IGF2BP1: variants seen among roughly 807,000 people sequenced by gnomAD.
IGF2BP1 encodes the protein insulin like growth factor 2 mRNA binding protein 1.
IGF2BP1 carries 11 observed loss-of-function variants against 74.9 expected under a neutral mutation model. The observed-to-expected ratio is 0.15, with a 90% CI of 0.09 to 0.24. The LOEUF is 0.24. IGF2BP1 is among the 10% of genes least tolerant of loss of function. IGF2BP1 has a pLI of 1.00. For missense variants in IGF2BP1, 440 were observed against 757.4 expected (o/e 0.58, Z 4.92); for synonymous variants, 287 against 281.8 (o/e 1.02, Z -0.18).
At chr17:49,011,162 A>AC in intron 2 of IGF2BP1, among the ~76,000 whole-genome samples, 1 of 145,822 alleles carries the variant, frequency 6.9e-6, no homozygotes, top group East Asian at 2.0e-4. Context: ...AAAAAAAAAA[A>AC]AAAAACAAAC....
At chr17:49,015,774 TG>T (rs2041692975) in intron 2 of IGF2BP1, among the ~76,000 whole-genome samples, 2 of 152,216 alleles carry the variant, frequency 1.3e-5, no homozygotes, top group African/African-American at 4.8e-5. Flanking sequence ...GCTTCTGTTT[TG>T]GCCTCCTTGG....
rs1333775919 is a variant in IGF2BP1, at chr17:49,050,689, T to C, written c.*1245T>C. On this transcript the variant is annotated 3_prime_UTR_variant, in exon 15 of 15. Transcript: ENST00000290341. ...GACGGCTTCTGTCTCCATGAATCAT[T>C]ATCAGCATGATGAAAGGTGTGTCTA... 6.6e-6 allele frequency: 1 copy of C among 152,228 alleles called. No individual in the cohort carries two copies. Among genetic ancestry groups the C allele is most frequent in the Non-Finnish European group, 1.5e-5 (1 of 68,038 alleles). 9.4% of individuals were successfully genotyped at this position (152,228 alleles called of 1,614,324 possible). A position where few individuals can be genotyped will look rare whatever the true frequency, so the allele number is the denominator to read the frequency against.
chr17:49,042,449 T>C, intron 9 of IGF2BP1, 72 bp downstream of exon 9: 1 of 1,540,290 alleles, frequency 6.5e-7, no homozygotes, highest in Non-Finnish European at 9.0e-7. Context: ...GGGTGCAGGG[T>C]GATGGACATG....
At chr17:49,019,967 CACACACACAT>C (rs2041768129) in intron 2 of IGF2BP1, among the ~76,000 whole-genome samples, 1 of 91,958 alleles carries the variant, frequency 1.1e-5, no homozygotes, top group Non-Finnish European at 2.1e-5. Flanking sequence ...CACACACACA[CACACACACAT>C]ACACCCACAC....
rs1225509993 is a variant in IGF2BP1, at chr17:49,055,097, A to G, written c.*5653A>G. Reference sequence around the variant, plus strand: ...GGGGGGAAAAAGATTTCTTTTTCCAAAGGAAAAAAATATTACCTTGAGAAT... The same window carrying G: ...GGGGGGAAAAAGATTTCTTTTTCCAGAGGAAAAAAATATTACCTTGAGAAT... On this transcript the variant is annotated 3_prime_UTR_variant, in exon 15 of 15. Transcript: ENST00000290341. The G allele has an allele frequency of 1.3e-5, 2 of 152,228 alleles. No individual in the cohort carries two copies. The highest frequency in any genetic ancestry group is 3.9e-4 in the East Asian group (2 of 5,184). The allele number at this position is 152,228 out of a possible 1,614,324, so 9.4% of individuals were successfully genotyped here.
chr17:49,038,051 A>G lies in IGF2BP1; in HGVS notation c.402-117A>G, dbSNP rs534567123. ...AGGTGGAGGTAGTGGGCAGGTGACT[A>G]TCTCCTTTTCTTTAGTGTGTTCCAA... On this transcript the variant is annotated intron_variant, in intron 5 of 14. Transcript: ENST00000290341. The G allele has an allele frequency of 1.0e-5, 9 of 901,836 alleles. No individual in the cohort carries two copies. In the East Asian group the frequency reaches 2.4e-4, roughly 24 times the overall value. 55.9% of individuals were successfully genotyped at this position (901,836 alleles called of 1,614,324 possible).
chr17:49,056,051 C>G lies in IGF2BP1; in HGVS notation c.*6607C>G, dbSNP rs533774181. Among the ~76,000 whole-genome samples the G allele has an allele frequency of 6.6e-6, 1 of 152,004 alleles. No homozygotes were observed. Among genetic ancestry groups the G allele is most frequent in the East Asian group, 1.9e-4 (1 of 5,170 alleles). On this transcript the variant is annotated 3_prime_UTR_variant, in exon 15 of 15. Transcript: ENST00000290341. ...GTTCTTTGATGGATGAACGAACACT[C>G]CAGTTTTCTTTCCCGTGAAGGTTGT...
At chr17:49,019,977 TACACCCAC>T (rs1370560670) in intron 2 of IGF2BP1, among the ~76,000 whole-genome samples, 7 of 51,716 alleles carry the variant, frequency 1.4e-4, no homozygotes, top group African/African-American at 3.2e-4. Flanking sequence ...CACACACACA[TACACCCAC>T]ACATATATAT....
chr17:48,997,447 G>C lies in IGF2BP1; in HGVS notation c.-299G>C, dbSNP rs1013209963. 49 of 197,576 alleles carry C rather than the reference G, an allele frequency of 2.5e-4. No homozygotes were observed. Among genetic ancestry groups the C allele is most frequent in the Non-Finnish European group, 4.3e-4 (43 of 99,844 alleles). The allele number at this position is 197,576 out of a possible 1,614,324, so 12.2% of individuals were successfully genotyped here. ...GGCGCCAGGGCGGCCGCGGAGAAAC[G>C]TGACACACCAGCCCTCTCGGAGGGG... is the stretch of plus-strand genomic sequence containing the variant. On this transcript the variant is annotated 5_prime_UTR_variant, in exon 1 of 15. Transcript: ENST00000290341. The surrounding 1 kb of genome is among the most constrained non-coding windows in gnomAD (Gnocchi z 4.8).
At chr17:49,025,921 TCTCGACTCACTGCATC>T (rs1234183994) in intron 3 of IGF2BP1, among the ~76,000 whole-genome samples, 1 of 150,636 alleles carries the variant, frequency 6.6e-6, no homozygotes, top group Admixed American at 6.6e-5. Context: ...AGTGGCGCGA[TCTCGACTCACTGCATC>T]CTCTTCCTCC....
rs777587852 is a variant in IGF2BP1, at chr17:49,038,466, G to A, written c.683+17G>A. Reference sequence around the variant, plus strand: ...CCAGTCCAAGTGAGTCTTGGCTCTTGGGGAATGGAGGTTGGGTGCTAGGGA... The same window carrying A: ...CCAGTCCAAGTGAGTCTTGGCTCTTAGGGAATGGAGGTTGGGTGCTAGGGA... On this transcript the variant is annotated intron_variant, in intron 6 of 14. Coordinates refer to ENST00000290341, the MANE Select transcript of IGF2BP1 (RefSeq NM_006546.4). 9 of 1,460,630 alleles carry A rather than the reference G, an allele frequency of 6.2e-6. No homozygotes were observed. The highest frequency in any genetic ancestry group is 4.3e-5 in the South Asian group (3 of 69,264). 90.5% of individuals were successfully genotyped at this position (1,460,630 alleles called of 1,614,324 possible). A position where few individuals can be genotyped will look rare whatever the true frequency, so the allele number is the denominator to read the frequency against.
In IGF2BP1 at chr17:49,055,406, C is replaced by T. The variant is rs1322199466; in HGVS notation, c.*5962C>T. 5.4e-6 allele frequency: 2 copies of T among 367,458 alleles called. No homozygotes were observed. The highest frequency in any genetic ancestry group is 9.7e-6 in the Non-Finnish European group (2 of 206,694). The allele number at this position is 367,458 out of a possible 1,614,324, so 22.8% of individuals were successfully genotyped here. On this transcript the variant is annotated 3_prime_UTR_variant, in exon 15 of 15. Coordinates refer to ENST00000290341, the MANE Select transcript of IGF2BP1 (RefSeq NM_006546.4). ...CCTGTGCTTCTCTCCCTTCTCCCCT[C>T]CCAGCCAGCTGACTTCAGTCACCCC...
chr17:49,025,313 A>AGTGTGTGTGTGTGT lies in IGF2BP1; in HGVS notation c.237-274_237-261dup, dbSNP rs369153046. ...AATGAGAAAGTGGTGGGACAAACAA[A>AGTGTGTGTGTGTGT]GTGTGTGTGTGTGTGTGTGTGTGTG... On this transcript the variant is annotated intron_variant, in intron 2 of 14. Coordinates refer to ENST00000290341, the MANE Select transcript of IGF2BP1 (RefSeq NM_006546.4). Among the ~76,000 whole-genome samples, 131 of 133,650 alleles carry AGTGTGTGTGTGTGT rather than the reference A, an allele frequency of 9.8e-4. 4 individuals carry two copies. The highest frequency in any genetic ancestry group is 4.7e-4 in the African/African-American group (17 of 35,962). The allele number at this position is 133,650 out of a possible 152,430, so 87.7% of individuals were successfully genotyped here.
At chr17:49,025,881 GT>G (rs1180679951) in intron 3 of IGF2BP1, among the ~76,000 whole-genome samples, 5 of 135,868 alleles carry the variant, frequency 3.7e-5, no homozygotes, top group Non-Finnish European at 6.2e-5. Flanking sequence ...TTGAGATGGA[GT>G]TTTGCTCTTT....
At chr17:49,042,503 G>A in intron 9 of IGF2BP1, 126 bp downstream of exon 9, 1 of 960,810 alleles carries the variant, frequency 1.0e-6, no homozygotes, top group South Asian at 1.5e-5. Context: ...GATGCTTTTG[G>A]ACTTCGACTA....
intron 1 of IGF2BP1, among the ~76,000 whole-genome samples, chr17:48,998,848 G>A (rs1438757188): frequency 6.6e-6 from 1 of 152,118 alleles, no homozygotes; most frequent in Non-Finnish European, 1.5e-5. Flanking sequence ...TTCCCAAATC[G>A]GGATTCCAGA....
chr17:49,040,658 G>T (rs1476520674), intron 7 of IGF2BP1, among the ~76,000 whole-genome samples: 1 of 152,208 alleles, frequency 6.6e-6, no homozygotes, highest in Non-Finnish European at 1.5e-5. Flanking sequence ...TTTTAGCTCA[G>T]AGAGAATCAC....
At chr17:49,014,107 AGTTCTCAATTGCCC>A (rs979242597) in intron 2 of IGF2BP1, 1 of 152,110 alleles carries the variant, frequency 6.6e-6, no homozygotes, top group Non-Finnish European at 1.5e-5. Context: ...GCGCCGTCTC[AGTTCTCAATTGCCC>A]GTTCACGAGG....
At chr17:49,015,783 T>C (rs925712158) in intron 2 of IGF2BP1, among the ~76,000 whole-genome samples, 1 of 152,156 alleles carries the variant, frequency 6.6e-6, no homozygotes, top group African/African-American at 2.4e-5. Context: ...TTGGCCTCCT[T>C]GGGGGCTGCT....
Sources: allele counts gnomAD v4.1 joint callset (sites outside exome capture counted in the v4.1 genomes callset), GRCh38; gene constraint gnomAD v4.1.1; non-coding constraint Gnocchi (gnomAD v3.1); transcripts MANE v1.5; gene names NCBI Gene and HGNC (gene_info 2026-07-23, HGNC 2026-07-21).